KIAA0825: variants seen among roughly 807,000 people sequenced by gnomAD.
KIAA0825 encodes KIAA0825.
KIAA0825 carries 119 observed loss-of-function variants against 147.6 expected under a neutral mutation model. The ratio of observed to expected loss-of-function variants is 0.81; its 90% CI spans 0.69 to 0.94. The LOEUF (loss-of-function observed/expected upper bound fraction) is 0.94. Among genes scored for constraint, KIAA0825 ranks in the 40% least tolerant of loss-of-function variants. The pLI is 0.00. For synonymous variants in KIAA0825, 470 were observed against 518.1 expected (o/e 0.91, Z 1.26); for missense variants, 1,381 against 1,472.7 (o/e 0.94, Z 1.02).
chr5:94,186,218 G>A (rs1770105152), intron 20 of KIAA0825, among the ~76,000 whole-genome samples: 1 of 152,156 alleles, frequency 6.6e-6, no homozygotes, highest in Admixed American at 6.5e-5. Flanking sequence ...TTTCAGAATT[G>A]TAGTTAAGGA....
At chr5:94,396,648 C>T in intron 16 of KIAA0825, 139 bp from the exon 17 acceptor site, 1 of 576,886 alleles carries the variant, frequency 1.7e-6, no homozygotes. Context: ...TCCAACAGAA[C>T]TCTAACCGGG....
chr5:94,179,256 G>C (rs903501859), intron 20 of KIAA0825, among the ~76,000 whole-genome samples: 3 of 152,106 alleles, frequency 2.0e-5, no homozygotes, highest in Non-Finnish European at 4.4e-5. Context: ...TACACACACA[G>C]AGTGAACTTT....
At chr5:94,196,003 G>A (rs905746675) in intron 20 of KIAA0825, among the ~76,000 whole-genome samples, 1 of 152,180 alleles carries the variant, frequency 6.6e-6, no homozygotes, top group Non-Finnish European at 1.5e-5. Context: ...CTGCAGGAGG[G>A]TTGCTTCCAG....
In KIAA0825 at chr5:94,152,843, A is replaced by T. The variant is rs1766612500; in HGVS notation, c.*1164T>A. ...AATGAAAAAAAAAAAAAAAAAAAAA[A>T]AAAAAAAAAAAATTATATATATATA... On this transcript the variant is annotated 3_prime_UTR_variant, in exon 21 of 21. Transcript: ENST00000682413. The T allele has an allele frequency of 5.6e-5, 2 of 35,668 alleles. No individual in the cohort carries two copies. The highest frequency in any genetic ancestry group is 4.3e-4 in the Admixed American group (1 of 2,346). The allele number at this position is 35,668 out of a possible 1,614,324, so 2.2% of individuals were successfully genotyped here. A position where few individuals can be genotyped will look rare whatever the true frequency, so the allele number is the denominator to read the frequency against.
chr5:94,517,793 A>G (rs2151196357), intron 5 of KIAA0825, among the ~76,000 whole-genome samples: 1 of 151,926 alleles, frequency 6.6e-6, no homozygotes, highest in South Asian at 2.1e-4. Context: ...AAGTTGAAGA[A>G]GTATACAGAG....
Position 94,151,369 on chromosome 5 carries a change from A to T in KIAA0825, c.*2638T>A, listed in dbSNP as rs1445655606. Among the ~76,000 whole-genome samples the T allele has an allele frequency of 1.5e-5, 2 of 132,040 alleles. No individual in the cohort carries two copies. Among genetic ancestry groups the T allele is most frequent in the Non-Finnish European group, 3.1e-5 (2 of 63,512 alleles). 86.6% of individuals were successfully genotyped at this position (132,040 alleles called of 152,430 possible). Reference sequence around the variant, plus strand: ...GAAGCGGAGCTTGCAGTGAGCCGAGATTGCGCCACTGCAGTCCGCAGTCCG... The same window carrying T: ...GAAGCGGAGCTTGCAGTGAGCCGAGTTTGCGCCACTGCAGTCCGCAGTCCG... On this transcript the variant is annotated 3_prime_UTR_variant, in exon 21 of 21. Transcript: ENST00000682413.
At chr5:94,209,671 C>CT (rs1583857875) in intron 20 of KIAA0825, among the ~76,000 whole-genome samples, 3 of 152,076 alleles carry the variant, frequency 2.0e-5, no homozygotes, top group Non-Finnish European at 4.4e-5. Flanking sequence ...TTCTTCTAAG[C>CT]TTTTTTAATG....
Position 94,151,275 on chromosome 5 carries a change from G to A in KIAA0825, c.*2732C>T, listed in dbSNP as rs1343507226. On this transcript the variant is annotated 3_prime_UTR_variant, in exon 21 of 21. Transcript: ENST00000682413. ...TACTAAAAATACAAAAAAGTAGCCG[G>A]GCGCGGTGGCGGGCGCCTGTAGTCC... is the stretch of plus-strand genomic sequence containing the variant. Among the ~76,000 whole-genome samples, 22 of 150,862 alleles carry A rather than the reference G, an allele frequency of 1.5e-4. No homozygotes were observed. The highest frequency in any genetic ancestry group is 5.3e-4 in the African/African-American group (22 of 41,130).
chr5:94,543,974 C>T (rs1773850646), intron 2 of KIAA0825, among the ~76,000 whole-genome samples: 2 of 152,224 alleles, frequency 1.3e-5, no homozygotes, highest in African/African-American at 4.8e-5. Flanking sequence ...AAATGGGCAA[C>T]TAGCAGCCCA....
At chr5:94,466,386 G>C (rs10060520) in intron 10 of KIAA0825, among the ~76,000 whole-genome samples, 21,003 of 152,104 alleles carry the variant, frequency 0.14, 1,849 homozygotes, top group Non-Finnish European at 0.19. Context: ...AATGGGAGGG[G>C]ACTTTGGCCA....
intron 10 of KIAA0825, among the ~76,000 whole-genome samples, chr5:94,469,612 T>C (rs1397465805): frequency 1.3e-5 from 2 of 152,208 alleles, no homozygotes; most frequent in African/African-American, 2.4e-5. Context: ...AGGATATCCA[T>C]AACTAATTGG....
intron 14 of KIAA0825, among the ~76,000 whole-genome samples, chr5:94,425,466 T>C (rs967373375): frequency 6.6e-6 from 1 of 152,126 alleles, no homozygotes; most frequent in Non-Finnish European, 1.5e-5. Context: ...AGGCCAGGCA[T>C]GGAAGCTCAT....
rs114463095 is a variant in KIAA0825 at position 94,599,511 on chromosome 5, A to C, written c.-152-16928T>G. Reference sequence around the variant, plus strand: ...TTTCCTCACAAGATATTAAAAAAAAACTCAAAGTTGATCAAAAACTTTAAG... The same window carrying C: ...TTTCCTCACAAGATATTAAAAAAAACCTCAAAGTTGATCAAAAACTTTAAG... On this transcript the variant is annotated intron_variant, in intron 1 of 20. Coordinates refer to ENST00000682413, the MANE Select transcript of KIAA0825 (RefSeq NM_001145678.3). Among the ~76,000 whole-genome samples the C allele has an allele frequency of 3.9e-5, 6 of 152,050 alleles. No individual in the cohort carries two copies. The South Asian group carries it at 6.2e-4, about 16-fold the overall frequency.
intron 1 of KIAA0825, among the ~76,000 whole-genome samples, chr5:94,587,271 C>T (rs1783481361): frequency 6.6e-6 from 1 of 152,164 alleles, no homozygotes; most frequent in South Asian, 2.1e-4. Context: ...TTGCAGATGA[C>T]ATGATTGTAT....
chr5:94,182,645 T>A (rs1769771969), intron 20 of KIAA0825, among the ~76,000 whole-genome samples: 1 of 152,080 alleles, frequency 6.6e-6, no homozygotes, highest in Admixed American at 6.6e-5. Context: ...GTACTGATAT[T>A]TTTGAAATAC....
intron 20 of KIAA0825, among the ~76,000 whole-genome samples, chr5:94,311,322 G>A (rs549201199): frequency 2.0e-5 from 3 of 151,184 alleles, no homozygotes; most frequent in East Asian, 1.9e-4. Flanking sequence ...GCAGGGGGAC[G>A]AATCTGTGAC....
chr5:94,524,034 G>A lies in KIAA0825; in HGVS notation c.196C>T (p.Gln66Ter). The A allele has an allele frequency of 1.2e-6, 2 of 1,609,822 alleles. No homozygotes were observed. Among genetic ancestry groups the A allele is most frequent in the Non-Finnish European group, 1.7e-6 (2 of 1,177,124 alleles). ...CATTCAAAGCAGTCAGTTGTTGTTT[G>A]CAGCTGCACACCTGGACATTGTTTG... ...INKQCPGVQL[Q>*]TTTDCFEWLT... is the part of the protein sequence containing the mutation. Residue 66 changes from glutamine to a stop codon, truncating the protein, a stop_gained, in exon 4 of 21, where the codon CAA becomes TAA. Coordinates refer to ENST00000682413, the MANE Select transcript of KIAA0825 (RefSeq NM_001145678.3). LOFTEE classifies it high-confidence loss of function.
intron 20 of KIAA0825, among the ~76,000 whole-genome samples, chr5:94,192,236 A>G (rs1770735683): frequency 6.6e-6 from 1 of 152,232 alleles, no homozygotes; most frequent in South Asian, 2.1e-4. Context: ...AGTTATTAGG[A>G]CAGCATCATT....
At chr5:94,333,299 C>A (rs932595593) in intron 20 of KIAA0825, among the ~76,000 whole-genome samples, 1 of 152,132 alleles carries the variant, frequency 6.6e-6, no homozygotes, top group African/African-American at 2.4e-5. Flanking sequence ...GAAGTCTTTG[C>A]CCATGCCTAT....
Sources: gnomAD v4.1 joint callset for allele counts (sites outside exome capture counted in the v4.1 genomes callset) on GRCh38, gnomAD v4.1.1 for gene constraint, MANE v1.5 for transcripts, NCBI Gene and HGNC (gene_info 2026-07-23, HGNC 2026-07-21) for gene names.